The following ARHGAP42 variants were observed in gnomAD, a reference collection of about 807,000 sequenced individuals.
The protein encoded by ARHGAP42 is rho GTPase-activating protein 42.
In ARHGAP42, 63 loss-of-function variants were observed where a neutral mutation model predicts 125.0. That is an observed-to-expected ratio of 0.50 (90% confidence interval 0.41 to 0.62). The LOEUF is 0.62. Among genes scored for constraint, ARHGAP42 ranks in the 20% least tolerant of loss-of-function variants. The pLI is 0.00. For missense variants in ARHGAP42, 766 were observed against 1,024.2 expected, an observed-to-expected ratio of 0.75 and a Z score of 3.44; for synonymous variants, 339 against 351.0, an observed-to-expected ratio of 0.97 and a Z score of 0.38.
chr11:100,915,143 G>A (rs1256609010), intron 5 of ARHGAP42, among the ~76,000 whole-genome samples: 3 of 152,092 alleles, frequency 2.0e-5, no homozygotes, highest in Non-Finnish European at 4.4e-5. Flanking sequence ...AAGACAATCT[G>A]CCATTAAGAA....
chr11:100,712,720 C>T lies in ARHGAP42; in HGVS notation c.154+24888C>T, dbSNP rs966137568. On this transcript the variant is annotated intron_variant, in intron 1 of 23. Transcript: ENST00000298815. ...AGGAGTTAATGAGTTCTGAAGCTCC[C>T]GCCAGTTACTGAGAATTGATCAGGT... Among the ~76,000 whole-genome samples, 11 of 152,056 alleles carry T rather than the reference C, an allele frequency of 7.2e-5. 1 individual carries two copies. Among genetic ancestry groups the T allele is most frequent in the South Asian group, 6.2e-4 (3 of 4,812 alleles).
rs1858820219 is a variant in ARHGAP42, at chr11:100,991,079, C to T, written c.*2278C>T. On this transcript the variant is annotated 3_prime_UTR_variant, in exon 24 of 24. Coordinates refer to ENST00000298815, the MANE Select transcript of ARHGAP42 (RefSeq NM_152432.4). ...TTGCAGCCACAGTACTGGCTATGGT[C>T]CCTTTGCTGAAACAAGCTACAGAAG... 6.6e-6 allele frequency: 1 copy of T among 152,152 alleles called. No individual in the cohort carries two copies. The highest frequency in any genetic ancestry group is 2.4e-5 in the African/African-American group (1 of 41,450). The allele number at this position is 152,152 out of a possible 1,614,324, so 9.4% of individuals were successfully genotyped here. A position where few individuals can be genotyped will look rare whatever the true frequency, so the allele number is the denominator to read the frequency against.
chr11:100,713,150 A>G (rs1239139476), intron 1 of ARHGAP42, among the ~76,000 whole-genome samples: 3 of 152,244 alleles, frequency 2.0e-5, no homozygotes, highest in Non-Finnish European at 4.4e-5. Context: ...TTTTAAGATT[A>G]TTGAGAATAC....
chr11:100,973,191 C>A lies in ARHGAP42; in HGVS notation c.1567C>A (p.Gln523Lys), dbSNP rs1329974349. 2.6e-6 allele frequency: 4 copies of A among 1,549,142 alleles called. No individual in the cohort carries two copies. The Admixed American group carries it at 7.9e-5, about 31-fold the overall frequency. The change falls in exon 18 of 24, where the codon CAA becomes AAA. Residue 523 changes from glutamine to lysine, a missense_variant. Gln to Lys is a moderately conservative substitution (Grantham distance 53). Transcript: ENST00000298815. ...TATTTGCAGAGTATCACTACACAGC[C>A]AACAAAATCTCATGACTGTCTCAAA... ...KHLVKVSLHS[Q>K]QNLMTVSNLG...
At chr11:100,936,831 C>T (rs1867750749) in intron 8 of ARHGAP42, among the ~76,000 whole-genome samples, 1 of 152,146 alleles carries the variant, frequency 6.6e-6, no homozygotes, top group South Asian at 2.1e-4. Context: ...TTATAATTGC[C>T]TCACACTAAG....
intron 2 of ARHGAP42, among the ~76,000 whole-genome samples, chr11:100,772,968 C>T (rs1175329898): frequency 6.6e-6 from 1 of 152,210 alleles, no homozygotes; most frequent in African/African-American, 2.4e-5. Flanking sequence ...TCCTGAGTAA[C>T]TGGGATTATA....
chr11:100,854,965 C>T (rs1435281346), intron 3 of ARHGAP42, among the ~76,000 whole-genome samples: 1 of 151,240 alleles, frequency 6.6e-6, no homozygotes, highest in Non-Finnish European at 1.5e-5. Context: ...TAGATAGCTT[C>T]TGCATCGATT....
intron 9 of ARHGAP42, 144 bp downstream of exon 9, chr11:100,942,028 T>C (rs1867899494): frequency 3.1e-6 from 2 of 652,290 alleles, no homozygotes; most frequent in Admixed American, 3.5e-5. Context: ...TCTCTCATTT[T>C]TGTGACGTGA....
rs545373652 is a variant in ARHGAP42, at chr11:100,865,264, C to CA, written c.384+5646dup. On this transcript the variant is annotated intron_variant, in intron 4 of 23. Transcript: ENST00000298815. ...TGCAGTTAATTAAGCATGTAATATCCAAAAAAATCTATATATAGTTGTCAC... is the reference window on the plus strand; with the variant it reads ...TGCAGTTAATTAAGCATGTAATATCCAAAAAAAATCTATATATAGTTGTCAC... 3.3e-5 allele frequency among the ~76,000 whole-genome samples: 5 copies of CA among 151,994 alleles called. No homozygotes were observed. The South Asian group carries it at 8.3e-4, about 25-fold the overall frequency.
At chr11:100,960,831 TTAGGCATA>T (rs1857934886) in intron 13 of ARHGAP42, 76 bp from the exon 14 acceptor site, 1 of 802,462 alleles carries the variant, frequency 1.2e-6, no homozygotes, top group African/African-American at 1.8e-5. Flanking sequence ...TCAAATTTTG[TTAGGCATA>T]TGTCTGAGTT....
At chr11:100,822,296 A>G (rs1419415630) in intron 3 of ARHGAP42, among the ~76,000 whole-genome samples, 1 of 152,092 alleles carries the variant, frequency 6.6e-6, no homozygotes, top group Non-Finnish European at 1.5e-5. Flanking sequence ...CTCATGGATG[A>G]CTATTTTTCA....
chr11:100,978,867 A>T, intron 21 of ARHGAP42, 120 bp from the exon 22 acceptor site: 1 of 887,934 alleles, frequency 1.1e-6, no homozygotes, highest in Non-Finnish European at 1.8e-6. Flanking sequence ...ATTCCCTTCT[A>T]ATTTTGGCAA....
intron 4 of ARHGAP42, among the ~76,000 whole-genome samples, chr11:100,908,745 C>G (rs1304939221): frequency 1.3e-5 from 2 of 152,154 alleles, no homozygotes; most frequent in Admixed American, 6.5e-5. Flanking sequence ...ATTTCTTTCC[C>G]TTTGGGTAAT....
At chr11:100,796,065 G>T (rs1313197442) in intron 3 of ARHGAP42, among the ~76,000 whole-genome samples, 6 of 151,900 alleles carry the variant, frequency 3.9e-5, no homozygotes, top group Non-Finnish European at 5.9e-5. Context: ...TTTTGTTTTT[G>T]TTTTCAAATT....
intron 4 of ARHGAP42, among the ~76,000 whole-genome samples, chr11:100,874,953 T>C (rs1372917596): frequency 1.3e-5 from 2 of 152,138 alleles, no homozygotes; most frequent in Non-Finnish European, 2.9e-5. Flanking sequence ...CTCTTTTACC[T>C]CAGGATGAGT....
At chr11:100,875,119 G>C (rs879582265) in intron 4 of ARHGAP42, among the ~76,000 whole-genome samples, 10,099 of 106,510 alleles carry the variant, frequency 0.095, 427 homozygotes, top group Non-Finnish European at 0.14. Context: ...GTGTGTGTGT[G>C]TGTGTGTGTG....
At chr11:100,838,380 A>C (rs639926) in intron 3 of ARHGAP42, among the ~76,000 whole-genome samples, 126,190 of 151,964 alleles carry the variant, frequency 0.83, 52,799 homozygotes, top group East Asian at 0.96. Context: ...TTTCAAACTT[A>C]TGCTCATCAA....
chr11:100,975,841 T>G (rs2135320000), intron 19 of ARHGAP42, among the ~76,000 whole-genome samples: 1 of 152,268 alleles, frequency 6.6e-6, no homozygotes, highest in East Asian at 1.9e-4. Flanking sequence ...CTTCCTAAAA[T>G]AGCATTGAAA....
intron 2 of ARHGAP42, among the ~76,000 whole-genome samples, chr11:100,779,880 G>A (rs1863258921): frequency 6.6e-6 from 1 of 151,476 alleles, no homozygotes; most frequent in African/African-American, 2.4e-5. Flanking sequence ...AGAAAATTTG[G>A]CCAGGCATGG....
Sources: gnomAD v4.1 joint callset for allele counts (sites outside exome capture counted in the v4.1 genomes callset) on GRCh38, gnomAD v4.1.1 for gene constraint, MANE v1.5 for transcripts, NCBI Gene and HGNC (gene_info 2026-07-23, HGNC 2026-07-21) for gene names.